FMNL2: variants seen among roughly 807,000 people sequenced by gnomAD.
FMNL2 encodes formin like 2, also known as formin-like protein 2.
Under a neutral mutation model 130.2 loss-of-function variants are expected in FMNL2, and 51 were observed. That is an observed-to-expected ratio of 0.39 (90% CI 0.31 to 0.49). The LOEUF (loss-of-function observed/expected upper bound fraction) is 0.49. Ranked by LOEUF, FMNL2 falls within the 20% of genes least tolerant of loss-of-function variation. The probability of loss-of-function intolerance (pLI) is 0.85; values close to 1 mark genes in which losing one functional copy is unlikely to be tolerated. For synonymous variants in FMNL2, 465 were observed against 467.1 expected, an observed-to-expected ratio of 1.00 and a Z score of 0.06; for missense variants, 977 against 1,316.2, an observed-to-expected ratio of 0.74 and a Z score of 3.99.
At chr2:152,346,861 G>A (rs1486349949) in intron 1 of FMNL2, among the ~76,000 whole-genome samples, 2 of 152,068 alleles carry the variant, frequency 1.3e-5, no homozygotes, top group Non-Finnish European at 2.9e-5. Context: ...GGAGGCCGAG[G>A]TGGGCAGATC....
At chr2:152,541,682 A>G (rs558346420) in intron 2 of FMNL2, among the ~76,000 whole-genome samples, 7 of 152,296 alleles carry the variant, frequency 4.6e-5, no homozygotes. Context: ...CTATATGTAT[A>G]GTGTTACCCC....
chr2:152,569,758 T>C (rs1195722813), intron 6 of FMNL2, among the ~76,000 whole-genome samples: 1 of 148,892 alleles, frequency 6.7e-6, no homozygotes, highest in African/African-American at 2.5e-5. Flanking sequence ...ATCTGTAATC[T>C]CAGCATTTGG....
intron 1 of FMNL2, among the ~76,000 whole-genome samples, chr2:152,367,924 A>C (rs1683652376): frequency 6.6e-6 from 1 of 152,078 alleles, no homozygotes; most frequent in Non-Finnish European, 1.5e-5. Flanking sequence ...CCCTTTGTAA[A>C]TGTTGGCTTC....
At chr2:152,420,483 G>C (rs1411194808) in intron 1 of FMNL2, among the ~76,000 whole-genome samples, 1 of 152,180 alleles carries the variant, frequency 6.6e-6, no homozygotes, top group African/African-American at 2.4e-5. Context: ...AGTATGATCT[G>C]AAAGTACTGG....
At chr2:152,592,113 A>G (rs1558990533) in intron 9 of FMNL2, among the ~76,000 whole-genome samples, 1 of 152,212 alleles carries the variant, frequency 6.6e-6, no homozygotes, top group Non-Finnish European at 1.5e-5. Context: ...AAAAAAAAGA[A>G]AAGATAACTC....
chr2:152,556,710 A>C (rs1020740597), intron 4 of FMNL2, among the ~76,000 whole-genome samples: 12 of 152,204 alleles, frequency 7.9e-5, no homozygotes, highest in Non-Finnish European at 1.2e-4. Context: ...AGTAGTTGAC[A>C]CAAGGGCAGG....
chr2:152,475,793 C>G (rs911378302), intron 1 of FMNL2, among the ~76,000 whole-genome samples: 1 of 152,140 alleles, frequency 6.6e-6, no homozygotes, highest in African/African-American at 2.4e-5. Context: ...GCCACCGCGC[C>G]TGGCCAAGAA....
At chr2:152,617,364 T>C (rs912170964) in intron 13 of FMNL2, among the ~76,000 whole-genome samples, 172 bp downstream of exon 13, 2 of 152,244 alleles carry the variant, frequency 1.3e-5, no homozygotes, top group African/African-American at 4.8e-5. Context: ...GTCGGCGTTA[T>C]GTATACACAT....
chr2:152,641,815 A>G (rs1683105153), intron 25 of FMNL2, among the ~76,000 whole-genome samples: 1 of 152,224 alleles, frequency 6.6e-6, no homozygotes. Flanking sequence ...TTAAAAAATA[A>G]AAACAAAAAC....
intron 2 of FMNL2, among the ~76,000 whole-genome samples, chr2:152,527,000 G>A (rs1373951247): frequency 6.6e-6 from 1 of 151,938 alleles, no homozygotes; most frequent in Non-Finnish European, 1.5e-5. Flanking sequence ...ATCTGGTACA[G>A]GATCAGTCAC....
intron 1 of FMNL2, among the ~76,000 whole-genome samples, chr2:152,442,581 T>G (rs1476734422): frequency 1.3e-5 from 2 of 152,204 alleles, no homozygotes; most frequent in Non-Finnish European, 2.9e-5. Context: ...CTATTTCATT[T>G]ACTGATAATA....
chr2:152,512,852 A>G (rs534175889), intron 1 of FMNL2, among the ~76,000 whole-genome samples: 14 of 152,340 alleles, frequency 9.2e-5, no homozygotes, highest in Admixed American at 4.6e-4. Flanking sequence ...TAAGAAAACT[A>G]TAGTCAGGAA....
In FMNL2 at chr2:152,356,177, C is replaced by A. The variant is rs934654589; in HGVS notation, c.117+20457C>A. Among the ~76,000 whole-genome samples the A allele has an allele frequency of 2.0e-5, 3 of 152,202 alleles. No homozygotes were observed. The South Asian group carries it at 6.2e-4, about 32-fold the overall frequency. ...TTTGAGATGAAGTCTCGCTCTGTCA[C>A]CCAGGCTGGAGTGCAATGGCACATG... is the stretch of plus-strand genomic sequence containing the variant. On this transcript the variant is annotated intron_variant, in intron 1 of 25. Coordinates refer to ENST00000288670, the MANE Select transcript of FMNL2 (RefSeq NM_052905.4).
intron 1 of FMNL2, among the ~76,000 whole-genome samples, chr2:152,336,287 A>G (rs1012075886): frequency 6.6e-6 from 1 of 152,030 alleles, no homozygotes; most frequent in East Asian, 1.9e-4. Context: ...CTTCCCCGAA[A>G]GGGAAAGCGG....
rs1177961781 is a variant in FMNL2, at chr2:152,619,531, A to G, written c.1650A>G (p.Pro550=). The G allele has an allele frequency of 1.9e-6, 3 of 1,545,000 alleles. No homozygotes were observed. In the Admixed American group the frequency reaches 6.0e-5, roughly 31 times the overall value. The change falls in exon 15 of 26, where the codon CCA becomes CCG. Residue 550 remains proline, a synonymous_variant. Coordinates refer to ENST00000288670, the MANE Select transcript of FMNL2 (RefSeq NM_052905.4). ...PETVQNGPVT[P]PMPPPPPPPP... ...TAGTGCAAAATGGTCCAGTAACACC[A>G]CCTATGCCACCGCCGCCGCCGCCCC...
chr2:152,553,383 C>T (rs1012390643), intron 4 of FMNL2, among the ~76,000 whole-genome samples: 4 of 152,150 alleles, frequency 2.6e-5, no homozygotes, highest in African/African-American at 9.6e-5. Flanking sequence ...CTACAAAAAT[C>T]TTATTGACCA....
At chr2:152,366,608 TA>T (rs761612573) in intron 1 of FMNL2, among the ~76,000 whole-genome samples, 20 of 152,162 alleles carry the variant, frequency 1.3e-4, no homozygotes, top group Non-Finnish European at 2.6e-4. Flanking sequence ...AGGGTCTAGA[TA>T]AGCAAAAATA....
intron 9 of FMNL2, among the ~76,000 whole-genome samples, chr2:152,582,704 A>G (rs1390847608): frequency 6.6e-6 from 1 of 152,176 alleles, no homozygotes; most frequent in African/African-American, 2.4e-5. Context: ...ATAAGGAAGT[A>G]TGTTTGGGTG....
intron 1 of FMNL2, among the ~76,000 whole-genome samples, chr2:152,493,096 A>G (rs1354832394): frequency 1.3e-5 from 2 of 152,206 alleles, no homozygotes; most frequent in Non-Finnish European, 2.9e-5. Context: ...AAAGCAATGA[A>G]TGATTCAAAT....
Sources: gnomAD v4.1 joint callset for allele counts (sites outside exome capture counted in the v4.1 genomes callset) on GRCh38, gnomAD v4.1.1 for gene constraint, MANE v1.5 for transcripts, NCBI Gene and HGNC (gene_info 2026-07-23, HGNC 2026-07-21) for gene names.